The following MAP4K2 variants were observed in gnomAD, a reference collection of about 807,000 sequenced individuals.
The protein encoded by MAP4K2 is B lymphocyte serine/threonine protein kinase.
MAP4K2 carries 85 observed loss-of-function variants against 125.3 expected under a neutral mutation model. That is an observed-to-expected ratio of 0.68 (90% confidence interval 0.57 to 0.81). MAP4K2 has a LOEUF of 0.81. Ranked by LOEUF, MAP4K2 falls within the 40% of genes least tolerant of loss-of-function variation. MAP4K2 has a pLI of 0.00. For missense variants in MAP4K2, 923 were observed against 1,056.4 expected (o/e 0.87, Z 1.75); for synonymous variants, 479 against 445.1 (o/e 1.08, Z -0.96).
rs1941113822 is a variant in MAP4K2 at position 64,800,744 on chromosome 11, C to T, written c.725+20G>A. ...GGGCTGACAGAAAAGGGGGTCCCGGCAGCAGGGTGTGGCCCTTACCAGCGA... is the reference window on the plus strand; with the variant it reads ...GGGCTGACAGAAAAGGGGGTCCCGGTAGCAGGGTGTGGCCCTTACCAGCGA... On this transcript the variant is annotated intron_variant, in intron 10 of 31. Coordinates refer to ENST00000294066, the MANE Select transcript of MAP4K2 (RefSeq NM_004579.5). 3 of 1,589,942 alleles carry T rather than the reference C, an allele frequency of 1.9e-6. No homozygotes were observed. The Admixed American group carries it at 5.3e-5, about 28-fold the overall frequency.
Position 64,800,911 on chromosome 11 carries a change from C to T in MAP4K2, c.651G>A (p.Leu217=), listed in dbSNP as rs764131800. Reference sequence around the variant, plus strand: ...AGTGTTGGGCTGACCTCATGGGGTGCAGGTGGAACAGAGGGGGCTGCAGCT... The same window carrying T: ...AGTGTTGGGCTGACCTCATGGGGTGTAGGTGGAACAGAGGGGGCTGCAGCT... The part of the protein sequence containing the change: ...LGELQPPLFH[L]HPMRALMLMS... The change falls in exon 9 of 32, where the codon CTG becomes CTA. Residue 217 remains leucine (L), a synonymous_variant. Transcript: ENST00000294066. 5.1e-5 allele frequency: 83 copies of T among 1,613,888 alleles called. No individual in the cohort carries two copies. Among genetic ancestry groups the T allele is most frequent in the Non-Finnish European group, 6.9e-5 (82 of 1,180,014 alleles).
chr11:64,802,913 G>T lies in MAP4K2; in HGVS notation c.126C>A (p.Ala42=). 6.3e-7 allele frequency: 1 copy of T among 1,598,000 alleles called. No individual in the cohort carries two copies. Residue 42 remains alanine (A), a synonymous_variant, in exon 2 of 32, where the codon GCC becomes GCA. Transcript: ENST00000294066. ...GGTCTAGCTTGACTATCTTCACGGCGGCCAGTTCGGACGTGACCGTGTCGC... is the reference window on the plus strand; with the variant it reads ...GGTCTAGCTTGACTATCTTCACGGCTGCCAGTTCGGACGTGACCGTGTCGC... ...KARDTVTSEL[A]AVKIVKLDPG...
At chr11:64,794,953 C>T (rs760882302) in intron 24 of MAP4K2, among the ~76,000 whole-genome samples, 3 of 152,044 alleles carry the variant, frequency 2.0e-5, no homozygotes, top group Admixed American at 6.6e-5. Flanking sequence ...GTGGTACGAT[C>T]GCGATCACAG....
In MAP4K2 at chr11:64,792,266, G is replaced by A. The variant is rs1237866547; in HGVS notation, c.1820C>T (p.Pro607Leu). 1.9e-6 allele frequency: 3 copies of A among 1,610,194 alleles called. No individual in the cohort carries two copies. Among genetic ancestry groups the A allele is most frequent in the South Asian group, 1.1e-5 (1 of 90,526 alleles). ...GCLQCRVVRN[P>L]YTGATFLLAA... ...CAGCAGGAAGGTGGCACCCGTGTAG[G>A]GGTTCCGCACTGGCAGGGGAGCAGG... Residue 607 changes from proline (P) to leucine (L), a missense_variant, in exon 26 of 32, where the codon CCC becomes CTC. Pro to Leu is a moderately conservative substitution (Grantham distance 98, BLOSUM62 -3). This residue lies in a region of MAP4K2 where 833 missense variants were observed against 911.4 expected (regional missense o/e 0.91). Transcript: ENST00000294066.
chr11:64,798,332 T>C (rs1940952579), intron 15 of MAP4K2, among the ~76,000 whole-genome samples: 1 of 151,894 alleles, frequency 6.6e-6, no homozygotes, highest in Non-Finnish European at 1.5e-5. Context: ...CACCGGCTAA[T>C]TTTTTCTATT....
At chr11:64,791,769 C>A in intron 27 of MAP4K2, 140 bp downstream of exon 27, 1 of 875,896 alleles carries the variant, frequency 1.1e-6, no homozygotes, top group South Asian at 2.4e-5. Flanking sequence ...GGCCCCAGAC[C>A]CCACATGGCA....
chr11:64,793,606 T>C (rs1023142704), intron 24 of MAP4K2, among the ~76,000 whole-genome samples: 17 of 152,196 alleles, frequency 1.1e-4, no homozygotes, highest in Admixed American at 9.2e-4. Flanking sequence ...ATGTCCTGTT[T>C]GTACCTTCTG....
intron 17 of MAP4K2, 35 bp from the exon 18 acceptor site, chr11:64,797,415 C>G (rs1249802653): frequency 1.3e-6 from 2 of 1,559,356 alleles, no homozygotes; most frequent in Admixed American, 1.9e-5. Context: ...CCGGCCGTTA[C>G]CAGGTTGCCC....
At chr11:64,799,271 T>C in intron 14 of MAP4K2, 150 bp downstream of exon 14, 4 of 901,524 alleles carry the variant, frequency 4.4e-6, no homozygotes, top group Non-Finnish European at 6.8e-6. Context: ...TCCAGGTCCC[T>C]GGGTAGGACA....
chr11:64,796,604 C>G, intron 22 of MAP4K2, 30 bp downstream of exon 22: 1 of 1,614,012 alleles, frequency 6.2e-7, no homozygotes. Flanking sequence ...CCCACAAGGC[C>G]TCTGCCCCCC....
intron 24 of MAP4K2, among the ~76,000 whole-genome samples, chr11:64,794,633 C>T (rs1940685195): frequency 1.3e-5 from 2 of 152,172 alleles, no homozygotes; most frequent in South Asian, 4.1e-4. Flanking sequence ...TGCGGGATTA[C>T]AGGCGTGAGC....
chr11:64,792,116 C>A, intron 26 of MAP4K2, 30 bp from the exon 27 acceptor site: 1 of 1,579,702 alleles, frequency 6.3e-7, no homozygotes, highest in Admixed American at 1.8e-5. Context: ...CTCAGGTCTC[C>A]ATTTCTCCCC....
intron 27 of MAP4K2, 55 bp downstream of exon 27, chr11:64,791,854 C>A: frequency 6.9e-7 from 1 of 1,454,036 alleles, no homozygotes; most frequent in Non-Finnish European, 9.1e-7. Flanking sequence ...TGCCTCCCTC[C>A]CTCGGTCTCT....
At position 64,789,312 on chromosome 11, in the gene MAP4K2, G is replaced by C; in HGVS notation, c.*225C>G. On this transcript the variant is annotated 3_prime_UTR_variant, in exon 32 of 32. Transcript: ENST00000294066. ...GGCACTAGGGACTGGGCTGCCTCGG[G>C]GATGGGGGAGTGACAGCAGCTCCCC... is the stretch of plus-strand genomic sequence containing the variant. 3 of 569,646 alleles carry C rather than the reference G, an allele frequency of 5.3e-6. No individual in the cohort carries two copies. Among genetic ancestry groups the C allele is most frequent in the Non-Finnish European group, 9.4e-6 (3 of 318,266 alleles). The allele number at this position is 569,646 out of a possible 1,614,324, so 35.3% of individuals were successfully genotyped here. A position where few individuals can be genotyped will look rare whatever the true frequency, so the allele number is the denominator to read the frequency against.
In MAP4K2 at chr11:64,800,811, C is replaced by T. The variant is rs367969710; in HGVS notation, c.678G>A (p.Met226Ile). 5 of 1,612,186 alleles carry T rather than the reference C, an allele frequency of 3.1e-6. No individual in the cohort carries two copies. The African/African-American group carries it at 6.7e-5, about 22-fold the overall frequency. Residue 226 changes from methionine to isoleucine, a missense_variant, in exon 10 of 32, where the codon ATG becomes ATA. This residue lies in a region of MAP4K2 where 833 missense variants were observed against 911.4 expected (regional missense o/e 0.91). Coordinates refer to ENST00000294066, the MANE Select transcript of MAP4K2 (RefSeq NM_004579.5). ...TGGGCGGCTGGAAGCTGCTCTTCGA[C>T]ATGAGCATCAGGGCCCTGTGGAGGG... ...HLHPMRALMLMSKSSFQPPKL... is the reference protein window; with the variant it reads ...HLHPMRALMLISKSSFQPPKL...
intron 24 of MAP4K2, among the ~76,000 whole-genome samples, chr11:64,795,525 C>A (rs956712377): frequency 2.6e-5 from 4 of 152,056 alleles, no homozygotes; most frequent in Non-Finnish European, 5.9e-5. Context: ...CTCAGCCTCC[C>A]GAGTAGCTGG....
chr11:64,798,309 G>T (rs1204752223), intron 15 of MAP4K2, among the ~76,000 whole-genome samples: 1 of 152,160 alleles, frequency 6.6e-6, no homozygotes, highest in African/African-American at 2.4e-5. Context: ...GGGATTACAG[G>T]CGCCTGCCAC....
chr11:64,796,780 G>T (rs763884278), intron 21 of MAP4K2, 29 bp downstream of exon 21: 1 of 1,613,580 alleles, frequency 6.2e-7, no homozygotes, highest in Non-Finnish European at 8.5e-7. Context: ...GATTCCTTGG[G>T]CTCCCGCTTC....
chr11:64,800,424 T>A (rs970088820), intron 10 of MAP4K2, 32 bp from the exon 11 acceptor site: 1 of 1,609,524 alleles, frequency 6.2e-7, no homozygotes, highest in African/African-American at 1.3e-5. Context: ...CAGCGCCAGA[T>A]CCAGGTTAGC....
Sources: gnomAD v4.1 joint callset for allele counts (sites outside exome capture counted in the v4.1 genomes callset) on GRCh38, gnomAD v4.1.1 for gene constraint, gnomAD v4.1.1 regional missense constraint, MANE v1.5 for transcripts, NCBI Gene and HGNC (gene_info 2026-07-23, HGNC 2026-07-21) for gene names.